Variants in ZC3H18 observed in about 807,000 individuals in gnomAD.
The protein encoded by ZC3H18 is zinc finger CCCH domain-containing protein 18.
A neutral mutation model predicts 106.1 loss-of-function variants in ZC3H18; 8 were observed. That is an observed-to-expected ratio of 0.08 (90% CI 0.04 to 0.14). The LOEUF is 0.14. Ranked by LOEUF, ZC3H18 falls within the 10% of genes least tolerant of loss-of-function variation. ZC3H18 has a pLI of 1.00. For synonymous variants in ZC3H18, 635 were observed against 522.1 expected, an observed-to-expected ratio of 1.22 and a Z score of -2.95; for missense variants, 1,318 against 1,278.4, an observed-to-expected ratio of 1.03 and a Z score of -0.47.
intron 6 of ZC3H18, 197 bp from the exon 7 acceptor site, chr16:88,608,736 TG>T: frequency 2.3e-6 from 1 of 426,996 alleles, no homozygotes; most frequent in South Asian, 4.1e-5. Context: ...TTATCATCTG[TG>T]AATAGAACCC....
chr16:88,570,797 G>C (rs1567571995), intron 1 of ZC3H18, among the ~76,000 whole-genome samples: 1 of 152,074 alleles, frequency 6.6e-6, no homozygotes, highest in Non-Finnish European at 1.5e-5. Context: ...GGGGCGCCCT[G>C]GGCGCCCGAG....
Position 88,577,202 on chromosome 16 carries a change from G to C in ZC3H18, c.79G>C (p.Asp27His). 6.2e-7 allele frequency: 1 copy of C among 1,612,572 alleles called. No individual in the cohort carries two copies. The highest frequency in any genetic ancestry group is 8.5e-7 in the Non-Finnish European group (1 of 1,179,160). The part of the protein sequence containing the change: ...EEQPQGLSDD[D>H]ILRDSGSDQD... ...GCAGCCACAGGGACTCTCGGACGAT[G>C]ACATTCTGAGGGACAGCGGGTCCGA... The change falls in exon 2 of 18, where the codon GAC becomes CAC. Residue 27 changes from aspartate to histidine, a missense_variant. Physicochemically the swap from Asp to His is moderately conservative, Grantham distance 81. Transcript: ENST00000301011.
intron 5 of ZC3H18, among the ~76,000 whole-genome samples, chr16:88,599,251 C>G (rs1191925785): frequency 6.6e-6 from 1 of 152,236 alleles, no homozygotes; most frequent in East Asian, 1.9e-4. Context: ...GACTCAGTGT[C>G]TGCTCTTCCT....
chr16:88,572,675 A>G (rs565268240), intron 1 of ZC3H18, among the ~76,000 whole-genome samples: 20 of 152,134 alleles, frequency 1.3e-4, no homozygotes, highest in African/African-American at 3.6e-4. Context: ...CGTGGGTATC[A>G]GTTGAGACTC....
At chr16:88,574,569 C>G (rs1914620898) in intron 1 of ZC3H18, among the ~76,000 whole-genome samples, 1 of 151,408 alleles carries the variant, frequency 6.6e-6, no homozygotes, top group Admixed American at 6.6e-5. Flanking sequence ...CTCTGTCACC[C>G]AGGCTGAACT....
intron 3 of ZC3H18, among the ~76,000 whole-genome samples, chr16:88,592,242 G>C (rs1191451156): frequency 6.6e-6 from 1 of 152,056 alleles, no homozygotes; most frequent in Non-Finnish European, 1.5e-5. Context: ...TATCTTACTG[G>C]GTTTTGATCT....
chr16:88,581,751 A>G (rs1377460230), intron 2 of ZC3H18, among the ~76,000 whole-genome samples: 1 of 151,862 alleles, frequency 6.6e-6, no homozygotes, highest in Non-Finnish European at 1.5e-5. Flanking sequence ...ACCCTGACCC[A>G]CTCATGCCAT....
chr16:88,599,784 A>C lies in ZC3H18; in HGVS notation c.931-7A>C, dbSNP rs776350684. 6.2e-7 allele frequency: 1 copy of C among 1,605,040 alleles called. No homozygotes were observed. The highest frequency in any genetic ancestry group is 8.5e-7 in the Non-Finnish European group (1 of 1,177,118). ...CCATGTTGACTTCTTTCTTCTTACA[A>C]TGGTAGGTTTTAAAAAAAGCAACTA... On this transcript the variant is annotated splice_region_variant and splice_polypyrimidine_tract_variant and intron_variant, in intron 5 of 17. Coordinates refer to ENST00000301011, the MANE Select transcript of ZC3H18 (RefSeq NM_144604.4).
At chr16:88,586,313 G>C (rs1915427344) in intron 2 of ZC3H18, among the ~76,000 whole-genome samples, 2 of 152,194 alleles carry the variant, frequency 1.3e-5, no homozygotes, top group Admixed American at 6.5e-5. Context: ...TTCCTGCCCA[G>C]AGTTGATAGT....
At chr16:88,616,790 C>T (rs1905636110) in intron 8 of ZC3H18, among the ~76,000 whole-genome samples, 1 of 152,158 alleles carries the variant, frequency 6.6e-6, no homozygotes, top group Non-Finnish European at 1.5e-5. Context: ...TGGGAAGATT[C>T]TGCCTTCAGC....
intron 16 of ZC3H18, chr16:88,630,117 A>G (rs77426029): frequency 0.056 from 10,876 of 194,274 alleles, 422 homozygotes; most frequent in Middle Eastern, 0.096. Flanking sequence ...GCCAGAGTGA[A>G]ACACTCCTAG....
intron 5 of ZC3H18, among the ~76,000 whole-genome samples, chr16:88,598,924 A>G (rs146515360): frequency 6.6e-6 from 1 of 152,096 alleles, no homozygotes; most frequent in African/African-American, 2.4e-5. Flanking sequence ...CAATGGCCCA[A>G]ACTCGACTCA....
In ZC3H18 at chr16:88,598,218, T is replaced by C; in HGVS notation, c.729T>C (p.Pro243=). The C allele has an allele frequency of 6.2e-7, 1 of 1,613,440 alleles. No homozygotes were observed. Among genetic ancestry groups the C allele is most frequent in the Non-Finnish European group, 8.5e-7 (1 of 1,179,714 alleles). ...TWGMNCRFIH[P]GVNDKGNYSL... ...GAATGAATTGTAGGTTTATACACCC[T>C]GGAGTGAACGACAAGGGGAACTACT... Residue 243 remains proline, a synonymous_variant, in exon 4 of 18, where the codon CCT becomes CCC. Transcript: ENST00000301011.
chr16:88,598,264 C>T lies in ZC3H18; in HGVS notation c.775C>T (p.Pro259Ser), dbSNP rs765207375. The T allele has an allele frequency of 1.2e-6, 2 of 1,613,588 alleles. No individual in the cohort carries two copies. The highest frequency in any genetic ancestry group is 1.1e-5 in the South Asian group (1 of 91,034). Residue 259 changes from proline (P) to serine (S), a missense_variant, in exon 4 of 18, where the codon CCC (proline) becomes TCC (serine). Pro to Ser is a moderately conservative substitution (Grantham distance 74). This residue lies in a region of ZC3H18 where 78 missense variants were observed against 67.3 expected (regional missense o/e 1.16). Coordinates refer to ENST00000301011, the MANE Select transcript of ZC3H18 (RefSeq NM_144604.4). The stretch of plus-strand genomic sequence containing the variant: ...CTACTCCCTAATCACCAAAGCCGAC[C>T]CCTTCCCGCCTAATGGTGCCCCGCC... Reference protein sequence around the residue: ...GNYSLITKADPFPPNGAPPLG... With the variant: ...GNYSLITKADSFPPNGAPPLG...
intron 8 of ZC3H18, among the ~76,000 whole-genome samples, chr16:88,620,404 C>T (rs979486370): frequency 1.3e-5 from 2 of 152,118 alleles, no homozygotes; most frequent in Non-Finnish European, 2.9e-5. Context: ...GCCTGGGCAA[C>T]ATAGGGAGAC....
At chr16:88,623,139 C>T (rs1906073817) in intron 9 of ZC3H18, 80 bp from the exon 10 acceptor site, 6 of 1,546,504 alleles carry the variant, frequency 3.9e-6, no homozygotes, top group Non-Finnish European at 5.2e-6. Flanking sequence ...GGGTGTGTAG[C>T]TGTGCATGTG....
intron 8 of ZC3H18, among the ~76,000 whole-genome samples, chr16:88,621,194 G>A (rs543325833): frequency 1.3e-5 from 2 of 151,494 alleles, no homozygotes; most frequent in African/African-American, 2.4e-5. Flanking sequence ...ACAGGCGCCC[G>A]CCACCACATC....
chr16:88,613,930 C>G (rs1185023155), intron 8 of ZC3H18, among the ~76,000 whole-genome samples: 1 of 150,602 alleles, frequency 6.6e-6, no homozygotes, highest in Non-Finnish European at 1.5e-5. Flanking sequence ...GACCCTGTCT[C>G]AAAAAAAGGG....
rs188946914 is a variant in ZC3H18, at chr16:88,600,307, G to A, written c.1088+359G>A. On this transcript the variant is annotated intron_variant, in intron 6 of 17. Transcript: ENST00000301011. ...ACATTACCCAGGAGCCAGGAAACGT[G>A]TGGAGGTTGCCACAAGCCAGGAACA... Among the ~76,000 whole-genome samples, 45 of 152,338 alleles carry A rather than the reference G, an allele frequency of 3.0e-4. No homozygotes were observed. In the East Asian group the frequency reaches 7.9e-3, roughly 27 times the overall value.
Sources: allele counts gnomAD v4.1 joint callset (sites outside exome capture counted in the v4.1 genomes callset), GRCh38; gene constraint gnomAD v4.1.1; regional missense constraint gnomAD v4.1.1; transcripts MANE v1.5; gene names NCBI Gene and HGNC (gene_info 2026-07-23, HGNC 2026-07-21).